Variants in MAGI2 observed in about 807,000 individuals in gnomAD.
The protein encoded by MAGI2 is membrane-associated guanylate kinase, WW and PDZ domain-containing protein 2.
A neutral mutation model predicts 133.3 loss-of-function variants in MAGI2; 35 were observed. The observed-to-expected ratio is 0.26, with a 90% CI of 0.20 to 0.35. MAGI2 has a LOEUF of 0.35. Ranked by LOEUF, MAGI2 falls within the 10% of genes least tolerant of loss-of-function variation. MAGI2 has a pLI of 1.00. For missense variants in MAGI2, 1,636 were observed against 1,863.4 expected, an observed-to-expected ratio of 0.88 and a Z score of 2.25; for synonymous variants, 729 against 710.6, an observed-to-expected ratio of 1.03 and a Z score of -0.41.
At chr7:79,235,662 TGC>T (rs1831855704) in intron 1 of MAGI2, among the ~76,000 whole-genome samples, 1 of 152,082 alleles carries the variant, frequency 6.6e-6, no homozygotes, top group Admixed American at 6.6e-5. Context: ...TCGCGCACGG[TGC>T]GCGCACCCAC....
intron 2 of MAGI2, among the ~76,000 whole-genome samples, chr7:78,740,400 T>C (rs1459334295): frequency 1.3e-5 from 2 of 152,194 alleles, no homozygotes; most frequent in Non-Finnish European, 2.9e-5. Context: ...TTAATCTTGT[T>C]TGCTAAATAG....
chr7:78,719,626 C>T lies in MAGI2; in HGVS notation c.419-92387G>A, dbSNP rs769972174. 1.1e-4 allele frequency among the ~76,000 whole-genome samples: 16 copies of T among 152,184 alleles called. No homozygotes were observed. The East Asian group carries it at 1.3e-3, about 13-fold the overall frequency. ...GCAACCCTCTTTCTTTTACTTTCAA[C>T]GACAAAGGTCATGCCAAGGGTTTGG... On this transcript the variant is annotated intron_variant, in intron 2 of 21. Coordinates refer to ENST00000354212, the MANE Select transcript of MAGI2 (RefSeq NM_012301.4).
At chr7:78,544,116 A>G (rs944725990) in intron 3 of MAGI2, among the ~76,000 whole-genome samples, 2 of 152,218 alleles carry the variant, frequency 1.3e-5, no homozygotes, top group Non-Finnish European at 2.9e-5. Flanking sequence ...TAGTGGCTCC[A>G]GGGACTGGAA....
At chr7:79,159,173 T>C (rs1433234444) in intron 1 of MAGI2, among the ~76,000 whole-genome samples, 1 of 152,034 alleles carries the variant, frequency 6.6e-6, no homozygotes, top group African/African-American at 2.4e-5. Context: ...GACTAGATTG[T>C]TAAAGAGAGA....
At chr7:78,143,679 C>T (rs1392504809) in intron 16 of MAGI2, among the ~76,000 whole-genome samples, 2 of 152,092 alleles carry the variant, frequency 1.3e-5, no homozygotes, top group Non-Finnish European at 2.9e-5. Flanking sequence ...AAGACAGGTA[C>T]AGTTTAAATT....
chr7:78,682,082 T>G (rs892895312), intron 2 of MAGI2, among the ~76,000 whole-genome samples: 1 of 152,148 alleles, frequency 6.6e-6, no homozygotes, highest in Non-Finnish European at 1.5e-5. Context: ...GTATTAATTC[T>G]AAAGTGTAGG....
At chr7:79,151,743 A>C (rs951251264) in intron 1 of MAGI2, among the ~76,000 whole-genome samples, 9 of 152,214 alleles carry the variant, frequency 5.9e-5, no homozygotes, top group African/African-American at 2.2e-4. Flanking sequence ...AAGAAAAATA[A>C]GATGAGAACA....
intron 10 of MAGI2, among the ~76,000 whole-genome samples, chr7:78,248,204 C>G (rs892458145): frequency 1.3e-5 from 2 of 152,124 alleles, no homozygotes; most frequent in African/African-American, 4.8e-5. Flanking sequence ...CCTGAACAAG[C>G]AAAAGTTGAG....
At chr7:78,510,390 CT>C (rs1385632185) in intron 4 of MAGI2, among the ~76,000 whole-genome samples, 1 of 152,100 alleles carries the variant, frequency 6.6e-6, no homozygotes, top group Non-Finnish European at 1.5e-5. Context: ...GAGTAGTAAA[CT>C]GCTAGAATAT....
intron 3 of MAGI2, chr7:78,616,508 G>A (rs1407036097): frequency 2.0e-5 from 3 of 152,046 alleles, no homozygotes; most frequent in East Asian, 1.9e-4. Context: ...GAGTTTTAGC[G>A]ATTTGATATA....
chr7:79,258,697 G>A (rs902198414), intron 1 of MAGI2, among the ~76,000 whole-genome samples: 2 of 152,118 alleles, frequency 1.3e-5, no homozygotes, highest in South Asian at 2.1e-4. Context: ...CAGTACTATC[G>A]TGGCATACTA....
intron 3 of MAGI2, among the ~76,000 whole-genome samples, chr7:78,601,741 T>C (rs1805231774): frequency 6.6e-6 from 1 of 152,194 alleles, no homozygotes; most frequent in African/African-American, 2.4e-5. Flanking sequence ...ATCTGTACAC[T>C]TTGCAATGTA....
At chr7:78,796,853 GT>G (rs1258158830) in intron 2 of MAGI2, among the ~76,000 whole-genome samples, 23 of 152,098 alleles carry the variant, frequency 1.5e-4, no homozygotes, top group Non-Finnish European at 3.4e-4. Context: ...GGAAGTCACT[GT>G]GTTTAAGTAA....
intron 18 of MAGI2, among the ~76,000 whole-genome samples, chr7:78,127,997 C>G (rs1821167432): frequency 6.6e-6 from 1 of 152,078 alleles, no homozygotes; most frequent in African/African-American, 2.4e-5. Context: ...TAATCACCAA[C>G]TACAAACCAA....
chr7:78,661,074 C>A (rs1496784), intron 2 of MAGI2, among the ~76,000 whole-genome samples: 3,572 of 152,244 alleles, frequency 0.023, 143 homozygotes, highest in African/African-American at 0.082. Flanking sequence ...TCTTCCTTCT[C>A]CCCTTAATAG....
intron 2 of MAGI2, among the ~76,000 whole-genome samples, chr7:78,726,014 A>C (rs886460692): frequency 3.3e-4 from 50 of 152,198 alleles, no homozygotes; most frequent in African/African-American, 1.2e-3. Flanking sequence ...GTTAAATTGA[A>C]TGTTTAATAT....
chr7:78,547,711 G>C (rs962122351), intron 3 of MAGI2, among the ~76,000 whole-genome samples: 1 of 152,184 alleles, frequency 6.6e-6, no homozygotes, highest in East Asian at 1.9e-4. Context: ...CACATAATGT[G>C]CACATCTTTG....
chr7:79,012,950 A>G (rs558534975), intron 1 of MAGI2, among the ~76,000 whole-genome samples: 1 of 152,272 alleles, frequency 6.6e-6, no homozygotes, highest in Non-Finnish European at 1.5e-5. Flanking sequence ...AAGGGTACCA[A>G]TCCCATTCAT....
rs568276250 is a variant in MAGI2 at position 78,529,281 on chromosome 7, TTG to T, written c.539-7638_539-7637del. On this transcript the variant is annotated intron_variant, in intron 3 of 21. Transcript: ENST00000354212. ...CAGGATAAATCTTTGCTAAATGTAATTGTCCACAGACTGGCTAGGGAAGGTGG... is the reference window on the plus strand; with the variant it reads ...CAGGATAAATCTTTGCTAAATGTAATTCCACAGACTGGCTAGGGAAGGTGG... 1.6e-4 allele frequency among the ~76,000 whole-genome samples: 24 copies of T among 152,324 alleles called. No individual in the cohort carries two copies. In the South Asian group the frequency reaches 4.6e-3, roughly 29 times the overall value.
Sources: allele counts gnomAD v4.1 joint callset (sites outside exome capture counted in the v4.1 genomes callset), GRCh38; gene constraint gnomAD v4.1.1; transcripts MANE v1.5; gene names NCBI Gene and HGNC (gene_info 2026-07-23, HGNC 2026-07-21).